The following FAM120A variants were observed in gnomAD, a reference collection of about 807,000 sequenced individuals.
FAM120A encodes constitutive coactivator of PPAR-gamma-like protein 1.
A neutral mutation model predicts 109.7 loss-of-function variants in FAM120A; 15 were observed. The ratio of observed to expected loss-of-function variants is 0.14; its 90% CI spans 0.09 to 0.21. The LOEUF is 0.21. Ranked by LOEUF, FAM120A falls within the 10% of genes least tolerant of loss-of-function variation. The pLI, the probability that FAM120A is intolerant of heterozygous loss-of-function variation, is 1.00. For synonymous variants in FAM120A, 493 were observed against 572.8 expected (o/e 0.86, Z 1.99); for missense variants, 899 against 1,439.3 (o/e 0.62, Z 6.07).
At chr9:93,517,371 A>G (rs1000738712) in intron 7 of FAM120A, among the ~76,000 whole-genome samples, 2 of 152,242 alleles carry the variant, frequency 1.3e-5, no homozygotes, top group African/African-American at 4.8e-5. Context: ...AACCTCTAGC[A>G]AGATAATATA....
chr9:93,477,129 C>A (rs182595259), intron 3 of FAM120A, among the ~76,000 whole-genome samples: 9 of 151,976 alleles, frequency 5.9e-5, no homozygotes, highest in African/African-American at 2.2e-4. Context: ...TAAAGAGTGG[C>A]GGTTAAATTG....
At chr9:93,457,871 G>A (rs1857619704) in intron 1 of FAM120A, among the ~76,000 whole-genome samples, 1 of 149,786 alleles carries the variant, frequency 6.7e-6, no homozygotes, top group African/African-American at 2.5e-5. Flanking sequence ...CTGCCTCCTT[G>A]AACCTTTTTC....
intron 1 of FAM120A, among the ~76,000 whole-genome samples, chr9:93,460,739 A>AAATATTTGATAAATGGATAT (rs1324209715): frequency 6.6e-6 from 1 of 152,188 alleles, no homozygotes; most frequent in Non-Finnish European, 1.5e-5. Flanking sequence ...CATGCTCAGA[A>AAATATTTGATAAATGGATAT]AATATTTGAT....
intron 7 of FAM120A, among the ~76,000 whole-genome samples, chr9:93,520,174 C>A (rs1021122614): frequency 2.6e-5 from 4 of 152,104 alleles, no homozygotes; most frequent in African/African-American, 9.7e-5. Context: ...CAGCTGATGG[C>A]AACTGTTTTA....
intron 2 of FAM120A, among the ~76,000 whole-genome samples, chr9:93,472,233 C>G (rs1270828358): frequency 6.6e-6 from 1 of 151,574 alleles, no homozygotes; most frequent in Admixed American, 6.6e-5. Flanking sequence ...GCACTCCAGC[C>G]TGGGAGACAG....
rs144799255 is a variant in FAM120A, at chr9:93,471,317, T to C, written c.651T>C (p.Tyr217=). Residue 217 remains tyrosine, a synonymous_variant, in exon 2 of 18, where the codon TAT becomes TAC. Coordinates refer to ENST00000277165, the MANE Select transcript of FAM120A (RefSeq NM_014612.5). ...GGAAAAGTCTCACCACAAGCCAATA[T>C]CTGATGCATGAAGTTGCCAAGCAAC... The part of the protein sequence containing the change: ...RNGKSLTTSQ[Y]LMHEVAKQLD... 32 of 1,614,090 alleles carry C rather than the reference T, an allele frequency of 2.0e-5. No homozygotes were observed. The highest frequency in any genetic ancestry group is 2.5e-6 in the Non-Finnish European group (3 of 1,180,046).
intron 11 of FAM120A, among the ~76,000 whole-genome samples, chr9:93,548,701 G>A (rs557674726): frequency 6.6e-6 from 1 of 152,272 alleles, no homozygotes; most frequent in South Asian, 2.1e-4. Context: ...TAGGAGGAGA[G>A]GACCTTCTTC....
chr9:93,474,750 C>G (rs1047500596), intron 2 of FAM120A, among the ~76,000 whole-genome samples: 2 of 152,134 alleles, frequency 1.3e-5, no homozygotes, highest in African/African-American at 4.8e-5. Context: ...ACCGCCACCA[C>G]TCCCTGCTAA....
chr9:93,558,027 G>T lies in FAM120A; in HGVS notation c.2668+17G>T. 1 of 1,568,428 alleles carries T rather than the reference G, an allele frequency of 6.4e-7. No individual in the cohort carries two copies. The stretch of plus-strand genomic sequence containing the variant: ...GCTTTGCAGGTGAGTTGATTGGGAC[G>T]TATTCCTGTGGGTAACAGATGCCAG... On this transcript the variant is annotated intron_variant, in intron 14 of 17. Coordinates refer to ENST00000277165, the MANE Select transcript of FAM120A (RefSeq NM_014612.5).
At chr9:93,522,661 C>T (rs1343546425) in intron 7 of FAM120A, among the ~76,000 whole-genome samples, 1 of 152,058 alleles carries the variant, frequency 6.6e-6, no homozygotes, top group Non-Finnish European at 1.5e-5. Context: ...ACCTTGTGAC[C>T]TTGTTTGTAT....
chr9:93,550,775 T>C (rs1862070504), intron 12 of FAM120A, 84 bp downstream of exon 12: 8 of 931,718 alleles, frequency 8.6e-6, no homozygotes, highest in Non-Finnish European at 1.4e-5. Flanking sequence ...ACAGGCAGAA[T>C]TGCTAATTCT....
intron 5 of FAM120A, among the ~76,000 whole-genome samples, chr9:93,511,183 G>A (rs1860302303): frequency 1.3e-5 from 2 of 152,236 alleles, no homozygotes; most frequent in African/African-American, 4.8e-5. Flanking sequence ...TGTTCACTGA[G>A]TTCATAATCT....
At chr9:93,474,679 C>T (rs939805522) in intron 2 of FAM120A, among the ~76,000 whole-genome samples, 9 of 151,406 alleles carry the variant, frequency 5.9e-5, no homozygotes, top group African/African-American at 1.7e-4. Flanking sequence ...CTGCAAGCTC[C>T]GCCTCCCAGG....
In FAM120A at chr9:93,527,205, A is replaced by G; in HGVS notation, c.1469A>G (p.Glu490Gly). 6.2e-7 allele frequency: 1 copy of G among 1,614,210 alleles called. No homozygotes were observed. The highest frequency in any genetic ancestry group is 2.2e-5 in the East Asian group (1 of 44,890). Reference protein sequence around the residue: ...IGWEKTGSHSEPQARGDPGDQ... With the variant: ...IGWEKTGSHSGPQARGDPGDQ... ...TGGGAGAAGACGGGAAGCCACTCAGAGCCTCAGGCACGAGGAGACCCAGGA... is the reference window on the plus strand; with the variant it reads ...TGGGAGAAGACGGGAAGCCACTCAGGGCCTCAGGCACGAGGAGACCCAGGA... The change falls in exon 8 of 18, where the codon GAG becomes GGG. Residue 490 changes from glutamate to glycine, a missense_variant. By Grantham distance (98) the Glu-to-Gly change is moderately conservative. Transcript: ENST00000277165.
At chr9:93,480,355 C>A (rs1368462460) in intron 3 of FAM120A, among the ~76,000 whole-genome samples, 1 of 152,114 alleles carries the variant, frequency 6.6e-6, no homozygotes, top group East Asian at 1.9e-4. Context: ...CTCGGGAGAC[C>A]TGCTGTTGGG....
At chr9:93,508,827 A>G (rs566806161) in intron 5 of FAM120A, among the ~76,000 whole-genome samples, 4 of 152,320 alleles carry the variant, frequency 2.6e-5, no homozygotes, top group South Asian at 4.1e-4. Context: ...CGCATTGCTC[A>G]ATAGATAGTG....
At chr9:93,541,838 G>A (rs1004079283) in intron 10 of FAM120A, among the ~76,000 whole-genome samples, 1 of 152,164 alleles carries the variant, frequency 6.6e-6, no homozygotes, top group Non-Finnish European at 1.5e-5. Context: ...ACGTGACACT[G>A]TTACCTGACT....
intron 3 of FAM120A, among the ~76,000 whole-genome samples, chr9:93,483,900 A>G (rs1393797162): frequency 6.6e-6 from 1 of 152,224 alleles, no homozygotes; most frequent in East Asian, 1.9e-4. Context: ...ACTGAACTCA[A>G]AAGGATTTCT....
Position 93,516,113 on chromosome 9 carries a change from T to C in FAM120A, c.1262T>C (p.Ile421Thr). The change falls in exon 7 of 18, where the codon ATT becomes ACT. Residue 421 changes from isoleucine (I) to threonine (T), a missense_variant. By Grantham distance (89) the Ile-to-Thr change is moderately conservative. Coordinates refer to ENST00000277165, the MANE Select transcript of FAM120A (RefSeq NM_014612.5). ...ACGGAGCAGAACAGCTACAGCAACATTCCTCACGAAGGGAAGCACACGCCG... is the reference window on the plus strand; with the variant it reads ...ACGGAGCAGAACAGCTACAGCAACACTCCTCACGAAGGGAAGCACACGCCG... ...NLTEQNSYSN[I>T]PHEGKHTPLY... 6.2e-7 allele frequency: 1 copy of C among 1,613,534 alleles called. No homozygotes were observed. The highest frequency in any genetic ancestry group is 8.5e-7 in the Non-Finnish European group (1 of 1,179,776).
Sources: allele counts gnomAD v4.1 joint callset (sites outside exome capture counted in the v4.1 genomes callset), GRCh38; gene constraint gnomAD v4.1.1; transcripts MANE v1.5; gene names NCBI Gene and HGNC (gene_info 2026-07-23, HGNC 2026-07-21).